MDH1B: variants seen among roughly 807,000 people sequenced by gnomAD.
The protein encoded by MDH1B is malate dehydrogenase 1B.
Under a neutral mutation model 61.4 loss-of-function variants are expected in MDH1B, and 60 were observed. That is an observed-to-expected ratio of 0.98 (90% CI 0.79 to 1.21). The LOEUF is 1.21. Ranked by LOEUF, MDH1B falls within the 50% of genes most tolerant of loss-of-function variation. MDH1B has a pLI of 0.00. For synonymous variants in MDH1B, 236 were observed against 218.7 expected (o/e 1.08, Z -0.70); for missense variants, 587 against 632.1 (o/e 0.93, Z 0.76).
chr2:206,761,446 T>C (rs1689086711), intron 1 of MDH1B, among the ~76,000 whole-genome samples: 1 of 151,906 alleles, frequency 6.6e-6, no homozygotes, highest in Admixed American at 6.6e-5. Context: ...GTTGTGGGGG[T>C]GGGAAAGAAG....
rs370872950 is a variant in MDH1B, at chr2:206,759,959, G to C, written c.135+942C>G. ...AGAAAAGGTGATGACTGTCAGTTTG[G>C]CCCTGAAACTATGAGCAGTGGAGAC... On this transcript the variant is annotated intron_variant, in intron 2 of 11. Transcript: ENST00000374412. Among the ~76,000 whole-genome samples, 4 of 152,216 alleles carry C rather than the reference G, an allele frequency of 2.6e-5. No individual in the cohort carries two copies. The East Asian group carries it at 7.7e-4, about 29-fold the overall frequency.
intron 7 of MDH1B, 142 bp from the exon 8 acceptor site, chr2:206,746,568 C>T: frequency 2.2e-6 from 2 of 917,724 alleles, no homozygotes; most frequent in South Asian, 2.1e-5. Flanking sequence ...GAATTCTTCT[C>T]CAAAGAGGAC....
chr2:206,755,673 A>C (rs1022563651), intron 4 of MDH1B, among the ~76,000 whole-genome samples, 168 bp from the exon 5 acceptor site: 4 of 152,232 alleles, frequency 2.6e-5, no homozygotes, highest in African/African-American at 9.6e-5. Context: ...AAAGTAGAAC[A>C]AAAACTTCTC....
At chr2:206,740,517 A>G (rs1377766037) in intron 10 of MDH1B, among the ~76,000 whole-genome samples, 2 of 152,190 alleles carry the variant, frequency 1.3e-5, no homozygotes, top group Non-Finnish European at 2.9e-5. Flanking sequence ...GAAAATCTGC[A>G]TAAGTGGACC....
chr2:206,761,279 T>G (rs1689077010), intron 1 of MDH1B, among the ~76,000 whole-genome samples: 6 of 152,128 alleles, frequency 3.9e-5, no homozygotes, highest in Admixed American at 3.9e-4. Context: ...TTTCTAGTAA[T>G]ATGCTAGACC....
chr2:206,738,396 T>C lies in MDH1B; in HGVS notation c.*87A>G. 1.9e-6 allele frequency: 2 copies of C among 1,028,084 alleles called. No individual in the cohort carries two copies. The highest frequency in any genetic ancestry group is 3.5e-5 in the South Asian group (2 of 57,178). 63.7% of individuals were successfully genotyped at this position (1,028,084 alleles called of 1,614,324 possible). ...AGACTGACATAAATCTTTCAAATTA[T>C]TCTTCCTTAAATATAGACATTCATA... On this transcript the variant is annotated 3_prime_UTR_variant, in exon 12 of 12. Transcript: ENST00000374412.
chr2:206,749,082 A>T lies in MDH1B; in HGVS notation c.1154T>A (p.Leu385Gln). 5.6e-6 allele frequency: 9 copies of T among 1,614,044 alleles called. No homozygotes were observed. Among genetic ancestry groups the T allele is most frequent in the Non-Finnish European group, 7.6e-6 (9 of 1,179,898 alleles). The change falls in exon 7 of 12, where the codon CTG becomes CAG. Residue 385 changes from leucine (L) to glutamine (Q), a missense_variant. By Grantham distance (113) the Leu-to-Gln change is moderately radical (BLOSUM62 -2). Transcript: ENST00000374412. ...ILAAHSIATT[L>Q]KYWYHGSPPG... ...TGGTGAGCCATGGTACCAGTATTTC[A>T]GTGTAGTGGCTATACTGTGTGCAGC...
At position 206,755,303 on chromosome 2, in the gene MDH1B, G is replaced by A. The variant is rs145046021; in HGVS notation, c.616C>T (p.Arg206Cys). 1.1e-3 allele frequency: 1,806 copies of A among 1,614,188 alleles called. 5 individuals carry two copies. Among genetic ancestry groups the A allele is most frequent in the Middle Eastern group, 3.1e-3 (19 of 6,062 alleles). ...AGCACCACAATGACGTGGGCCTGGC[G>A]GAAGGCCTCCTCCACCTTCGTGCAG... ...SICTKVEEAF[R>C]QAHVIVVLDD... The change falls in exon 5 of 12, where the codon CGC becomes TGC. Residue 206 changes from arginine (R) to cysteine (C), a missense_variant. By Grantham distance (180) the Arg-to-Cys change is radical (BLOSUM62 -3). Coordinates refer to ENST00000374412, the MANE Select transcript of MDH1B (RefSeq NM_001039845.3).
At chr2:206,741,822 G>A (rs186712074) in intron 9 of MDH1B, among the ~76,000 whole-genome samples, 208 of 152,188 alleles carry the variant, frequency 1.4e-3, no homozygotes, top group Middle Eastern at 3.4e-3. Context: ...GTTGGTTTTC[G>A]GGTTTCTGGA....
At chr2:206,745,260 T>C (rs1290221245) in intron 9 of MDH1B, 1 of 396,850 alleles carries the variant, frequency 2.5e-6, no homozygotes, top group African/African-American at 2.1e-5. Context: ...TCAGAGAGAG[T>C]GTGGCCCTGC....
At position 206,756,922 on chromosome 2, in the gene MDH1B, T is replaced by C. The variant is rs753655720; in HGVS notation, c.389A>G (p.Asn130Ser). 1.9e-6 allele frequency: 3 copies of C among 1,614,044 alleles called. No homozygotes were observed. The highest frequency in any genetic ancestry group is 1.6e-4 in the Middle Eastern group (1 of 6,062). ...CCTGGTGATCCAGACCTGCAAGGGG[T>C]TGATGCAAGTTTTCAGGGCTTCTTC... The part of the protein sequence containing the change: ...QEEEALKTCI[N>S]PLQVWITSAS... The change falls in exon 4 of 12, where the codon AAC becomes AGC. Residue 130 changes from asparagine (N) to serine (S), a missense_variant. By Grantham distance (46) the Asn-to-Ser change is conservative (BLOSUM62 1). Transcript: ENST00000374412.
intron 7 of MDH1B, among the ~76,000 whole-genome samples, chr2:206,748,466 G>A (rs572885396): frequency 6.0e-4 from 91 of 152,300 alleles, no homozygotes; most frequent in African/African-American, 1.9e-3. Context: ...TGCAGTATTC[G>A]TGGATGGAGA....
intron 2 of MDH1B, among the ~76,000 whole-genome samples, chr2:206,760,621 G>A (rs531394985): frequency 2.0e-5 from 3 of 152,188 alleles, no homozygotes; most frequent in Non-Finnish European, 4.4e-5. Flanking sequence ...AGAATGAAAA[G>A]TTAACAAGTG....
intron 1 of MDH1B, among the ~76,000 whole-genome samples, chr2:206,764,431 G>A (rs1208673743): frequency 1.3e-5 from 2 of 152,214 alleles, no homozygotes; most frequent in African/African-American, 4.8e-5. Context: ...TTTCTGTCAG[G>A]AAGCAGAAGT....
Position 206,761,005 on chromosome 2 carries a change from C to G in MDH1B, c.31G>C (p.Asp11His). Residue 11 changes from aspartate to histidine, a missense_variant, in exon 2 of 12, where the codon GAT becomes CAT. By Grantham distance (81) the Asp-to-His change is moderately conservative. Transcript: ENST00000374412. MAKFVIAGRA[D>H]CPYYAKTELV... is the part of the protein sequence containing the mutation. ...TCTGTTTTAGCATAATATGGACAATCTGCTCTACCTAAAAGAGTTCAAATT... is the reference window on the plus strand; with the variant it reads ...TCTGTTTTAGCATAATATGGACAATGTGCTCTACCTAAAAGAGTTCAAATT... 6.3e-7 allele frequency: 1 copy of G among 1,579,220 alleles called. No individual in the cohort carries two copies. Among genetic ancestry groups the G allele is most frequent in the Non-Finnish European group, 8.7e-7 (1 of 1,149,096 alleles).
Position 206,755,194 on chromosome 2 carries a change from AG to A in MDH1B, c.724del (p.Leu242Ter). 2 of 1,614,050 alleles carry A rather than the reference AG, an allele frequency of 1.2e-6. No homozygotes were observed. The highest frequency in any genetic ancestry group is 1.7e-6 in the Non-Finnish European group (2 of 1,179,982). ...AGACTCATGAGCATTTTTCTCTATCAGGTACCCATAGAGCCTGCAGAGAGGC... is the reference window on the plus strand; with the variant it reads ...AGACTCATGAGCATTTTTCTCTATCAGTACCCATAGAGCCTGCAGAGAGGC... ...RVPLCRLYGY[L>X]IEKNAHESVR... is the part of the protein sequence containing the mutation. On this transcript the variant is annotated frameshift_variant, in exon 5 of 12. Coordinates refer to ENST00000374412, the MANE Select transcript of MDH1B (RefSeq NM_001039845.3). LOFTEE classifies it high-confidence loss of function.
chr2:206,754,965 T>C (rs761624953), intron 5 of MDH1B, 44 bp downstream of exon 5: 1 of 1,580,398 alleles, frequency 6.3e-7, no homozygotes, highest in South Asian at 1.2e-5. Flanking sequence ...TGAAATCATG[T>C]TGTTTCAAAA....
rs114073603 is a variant in MDH1B at position 206,759,114 on chromosome 2, C to T, written c.136-1743G>A. On this transcript the variant is annotated intron_variant, in intron 2 of 11. Coordinates refer to ENST00000374412, the MANE Select transcript of MDH1B (RefSeq NM_001039845.3). ...AGCCTAGTGCCCGTTAGTTATTTCT[C>T]GTGATCTTCTTCCTCCTCCCACCCT... Among the ~76,000 whole-genome samples, 1,484 of 152,130 alleles carry T rather than the reference C, an allele frequency of 9.8e-3. 31 individuals carry two copies. Among genetic ancestry groups the T allele is most frequent in the African/African-American group, 0.033 (1,387 of 41,468 alleles).
intron 10 of MDH1B, 88 bp downstream of exon 10, chr2:206,740,966 T>C (rs563879192): frequency 6.4e-6 from 10 of 1,567,558 alleles, no homozygotes; most frequent in Non-Finnish European, 7.8e-6. Flanking sequence ...CTTTGGTCGC[T>C]AGACCATAAC....
Sources: gnomAD v4.1 joint callset for allele counts (sites outside exome capture counted in the v4.1 genomes callset) on GRCh38, gnomAD v4.1.1 for gene constraint, MANE v1.5 for transcripts, NCBI Gene and HGNC (gene_info 2026-07-23, HGNC 2026-07-21) for gene names.